Variants in ERBB4 observed in about 807,000 individuals in gnomAD.
The protein encoded by ERBB4 is receptor tyrosine-protein kinase erbB-4.
A neutral mutation model predicts 158.0 loss-of-function variants in ERBB4; 42 were observed. That is an observed-to-expected ratio of 0.27 (90% CI 0.21 to 0.34). ERBB4 has a LOEUF of 0.34. Ranked by LOEUF, ERBB4 falls within the 10% of genes least tolerant of loss-of-function variation. The probability of loss-of-function intolerance (pLI) is 1.00; values close to 1 mark genes in which losing one functional copy is unlikely to be tolerated. For missense variants in ERBB4, 1,333 were observed against 1,624.1 expected (o/e 0.82, Z 3.08); for synonymous variants, 583 against 558.7 (o/e 1.04, Z -0.61).
chr2:212,025,218 G>C lies in ERBB4; in HGVS notation c.235-77602C>G, dbSNP rs536384553. On this transcript the variant is annotated intron_variant, in intron 2 of 27. Transcript: ENST00000342788. The stretch of plus-strand genomic sequence containing the variant: ...CATTTCTATCAATTGGTGCACTTAG[G>C]AAATTCTAATCATCTATTTCTAATA... 1.3e-4 allele frequency among the ~76,000 whole-genome samples: 20 copies of C among 151,830 alleles called. No individual in the cohort carries two copies. The East Asian group carries it at 3.9e-3, about 29-fold the overall frequency.
At chr2:212,012,972 T>G (rs2076425346) in intron 2 of ERBB4, among the ~76,000 whole-genome samples, 1 of 151,698 alleles carries the variant, frequency 6.6e-6, no homozygotes, top group Non-Finnish European at 1.5e-5. Flanking sequence ...CTCCAAGCCC[T>G]GGGCTCAAGC....
chr2:211,653,907 C>T lies in ERBB4; in HGVS notation c.1946+3847G>A, dbSNP rs543023630. On this transcript the variant is annotated intron_variant, in intron 16 of 27. Transcript: ENST00000342788. ...GCCAGGCTTGTCTCGTTCGCCTGAC[C>T]TTGTGATCTGCCCGCCTCGGCCTCC... 2.7e-4 allele frequency among the ~76,000 whole-genome samples: 41 copies of T among 152,160 alleles called. No homozygotes were observed. The East Asian group carries it at 7.8e-3, about 29-fold the overall frequency.
At chr2:211,757,956 A>G (rs1458575863) in intron 4 of ERBB4, among the ~76,000 whole-genome samples, 1 of 152,174 alleles carries the variant, frequency 6.6e-6, no homozygotes, top group Non-Finnish European at 1.5e-5. Flanking sequence ...GCAACCAGCT[A>G]CTCCATTTGC....
At chr2:212,043,478 A>G (rs1215490145) in intron 2 of ERBB4, among the ~76,000 whole-genome samples, 1 of 152,184 alleles carries the variant, frequency 6.6e-6, no homozygotes, top group Non-Finnish European at 1.5e-5. Context: ...ACTGACAGAT[A>G]TTAAAGTGCA....
At chr2:211,764,841 T>C (rs1575112997) in intron 4 of ERBB4, among the ~76,000 whole-genome samples, 1 of 152,094 alleles carries the variant, frequency 6.6e-6, no homozygotes, top group African/African-American at 2.4e-5. Context: ...ATACAAATGC[T>C]CAGAAAGTTC....
intron 2 of ERBB4, among the ~76,000 whole-genome samples, chr2:212,012,000 C>T (rs946239793): frequency 2.3e-4 from 35 of 152,056 alleles, no homozygotes; most frequent in Admixed American, 1.8e-3. Flanking sequence ...TTTCGGTTAC[C>T]GTGAAGAATA....
intron 3 of ERBB4, among the ~76,000 whole-genome samples, chr2:211,804,563 G>T (rs2076571091): frequency 6.6e-6 from 1 of 152,194 alleles, no homozygotes; most frequent in Non-Finnish European, 1.5e-5. Context: ...CTCAGGAATT[G>T]ACATCAGTCA....
At chr2:211,920,121 C>G (rs2079817459) in intron 3 of ERBB4, among the ~76,000 whole-genome samples, 1 of 151,930 alleles carries the variant, frequency 6.6e-6, no homozygotes, top group Admixed American at 6.6e-5. Context: ...ATGCAACTGA[C>G]ATAAGCACTG....
intron 1 of ERBB4, among the ~76,000 whole-genome samples, chr2:212,431,800 A>T (rs1486717634): frequency 6.6e-6 from 1 of 152,138 alleles, no homozygotes; most frequent in Non-Finnish European, 1.5e-5. Context: ...TGCTTTCACC[A>T]GCATCTTCAC....
intron 2 of ERBB4, among the ~76,000 whole-genome samples, chr2:211,985,334 T>A (rs2081911817): frequency 1.3e-5 from 2 of 152,162 alleles, no homozygotes; most frequent in Admixed American, 1.3e-4. Context: ...GGAAAAAAAG[T>A]CTTTTTCTTT....
chr2:211,693,781 A>G (rs7421818), intron 12 of ERBB4, among the ~76,000 whole-genome samples: 101,416 of 152,048 alleles, frequency 0.67, 34,762 homozygotes, highest in Middle Eastern at 0.71. Flanking sequence ...TTCTCTCACA[A>G]TTCTAGAGAT....
At chr2:212,003,162 A>G in intron 2 of ERBB4, among the ~76,000 whole-genome samples, 1 of 23,324 alleles carries the variant, frequency 4.3e-5, no homozygotes, top group Non-Finnish European at 2.0e-4. Flanking sequence ...AGAAAGAAAG[A>G]AAGAAAGAAA....
In ERBB4 at chr2:211,947,699, T is replaced by C. The variant is rs994937666; in HGVS notation, c.235-83A>G. 1.6e-5 allele frequency: 19 copies of C among 1,168,258 alleles called. 1 individual carries two copies. The highest frequency in any genetic ancestry group is 3.8e-4 in the Middle Eastern group (2 of 5,226). The allele number at this position is 1,168,258 out of a possible 1,614,324, so 72.4% of individuals were successfully genotyped here. On this transcript the variant is annotated intron_variant, in intron 2 of 27. Transcript: ENST00000342788. Reference sequence around the variant, plus strand: ...TAGCAATTTAGATTAAAATGAGTTATTAAACTCTAATTTTCAGTTTTTAGT... The same window carrying C: ...TAGCAATTTAGATTAAAATGAGTTACTAAACTCTAATTTTCAGTTTTTAGT...
At chr2:212,283,938 A>C (rs1223035578) in intron 1 of ERBB4, among the ~76,000 whole-genome samples, 1 of 152,044 alleles carries the variant, frequency 6.6e-6, no homozygotes. Flanking sequence ...TCTTTCCTAA[A>C]GCCTCAAACT....
At chr2:211,937,139 AT>A (rs2080346873) in intron 3 of ERBB4, among the ~76,000 whole-genome samples, 1 of 152,174 alleles carries the variant, frequency 6.6e-6, no homozygotes, top group Non-Finnish European at 1.5e-5. Context: ...AATCTTTTAC[AT>A]TTATGTTGGT....
intron 1 of ERBB4, among the ~76,000 whole-genome samples, chr2:212,236,101 G>C (rs1230551842): frequency 6.6e-6 from 1 of 152,152 alleles, no homozygotes; most frequent in Non-Finnish European, 1.5e-5. Context: ...GTGGCTGTGG[G>C]TTTGTCATAA....
At chr2:211,441,994 T>A (rs1258924108) in intron 20 of ERBB4, among the ~76,000 whole-genome samples, 5 of 152,132 alleles carry the variant, frequency 3.3e-5, no homozygotes, top group Non-Finnish European at 5.9e-5. Context: ...CATCATTTCC[T>A]CATTCTCCTT....
intron 3 of ERBB4, among the ~76,000 whole-genome samples, chr2:211,864,763 C>T (rs2078160487): frequency 6.6e-6 from 1 of 152,074 alleles, no homozygotes; most frequent in African/African-American, 2.4e-5. Flanking sequence ...GTCAGGAGTT[C>T]AAGACCAGCC....
At chr2:212,502,442 A>G (rs1238051623) in intron 1 of ERBB4, among the ~76,000 whole-genome samples, 1 of 152,176 alleles carries the variant, frequency 6.6e-6, no homozygotes, top group Non-Finnish European at 1.5e-5. Flanking sequence ...AACTTAGCAT[A>G]CTATGGCAAA....
Sources: gnomAD v4.1 joint callset for allele counts (sites outside exome capture counted in the v4.1 genomes callset) on GRCh38, gnomAD v4.1.1 for gene constraint, MANE v1.5 for transcripts, NCBI Gene and HGNC (gene_info 2026-07-23, HGNC 2026-07-21) for gene names.